The following HUWE1 variants were observed in gnomAD, a reference collection of about 807,000 sequenced individuals.
HUWE1 encodes HECT, UBA and WWE domain containing E3 ubiquitin protein ligase 1, also known as E3 ubiquitin-protein ligase HUWE1.
Under a neutral mutation model 299.4 loss-of-function variants are expected in HUWE1, and 18 were observed. The observed-to-expected ratio is 0.06, with a 90% CI of 0.04 to 0.09. The LOEUF (loss-of-function observed/expected upper bound fraction) is 0.09. Among genes scored for constraint, HUWE1 ranks in the 10% least tolerant of loss-of-function variants. HUWE1 has a pLI of 1.00. For missense variants in HUWE1, 1,832 were observed against 3,462.3 expected (o/e 0.53, Z 11.82); for synonymous variants, 1,317 against 1,286.1 (o/e 1.02, Z -0.51).
In HUWE1 at chrX:53,594,572, C is replaced by G; in HGVS notation, c.3430G>C (p.Asp1144His). The stretch of plus-strand genomic sequence containing the variant: ...AGGTGGTAGGGATACTTCCTCTCAT[C>G]AAACAGCATTGGGGATGTGAAACCA... ...SVGFTSPMLF[D>H]ERKYPYHLML... The change falls in exon 31 of 84, where the codon GAT (aspartate) becomes CAT (histidine). Residue 1144 changes from aspartate to histidine, a missense_variant. Around this residue, in one of 15 missense-constraint regions of HUWE1, gnomAD observed 658 missense variants for 1,282.6 expected, o/e 0.51. Coordinates refer to ENST00000262854, the MANE Select transcript of HUWE1 (RefSeq NM_031407.7). 8.3e-7 allele frequency: 1 copy of G among 1,209,378 alleles called. No homozygotes were observed. The highest frequency in any genetic ancestry group is 1.1e-6 in the Non-Finnish European group (1 of 893,528).
chrX:53,536,329 G>C (rs2146875091), intron 79 of HUWE1, 51 bp downstream of exon 79: 2 of 1,183,656 alleles, frequency 1.7e-6, no homozygotes, highest in East Asian at 3.0e-5. Context: ...GACACAAAAA[G>C]ACCAGACCCC....
intron 59 of HUWE1, among the ~76,000 whole-genome samples, chrX:53,557,682 C>A (rs1341349799): frequency 8.9e-6 from 1 of 111,807 alleles, no homozygotes; most frequent in Non-Finnish European, 1.9e-5. Context: ...ATAATAAAAA[C>A]CCCTTAGGGA....
chrX:53,533,959 C>G (rs1459676476), intron 83 of HUWE1, 48 bp downstream of exon 83: 3 of 1,129,689 alleles, frequency 2.7e-6, no homozygotes, highest in East Asian at 3.0e-5. Context: ...ATCAAGTATG[C>G]AAGCTCAACC....
intron 2 of HUWE1, chrX:53,684,035 C>G (rs375465098): frequency 3.4e-6 from 1 of 291,430 alleles, no homozygotes; most frequent in East Asian, 4.9e-5. Context: ...AGAACCTCTA[C>G]CGGACGGGAA....
At chrX:53,547,551 G>C (rs1459880935) in intron 68 of HUWE1, 122 bp downstream of exon 68, 18 of 1,051,139 alleles carry the variant, frequency 1.7e-5, no homozygotes, top group African/African-American at 1.9e-5. Context: ...AACACATTCT[G>C]TTCTCACAAA....
In HUWE1 at chrX:53,539,598, A is replaced by T. The variant is rs2061248642; in HGVS notation, c.11632+59T>A. On this transcript the variant is annotated intron_variant, in intron 75 of 83. Coordinates refer to ENST00000262854, the MANE Select transcript of HUWE1 (RefSeq NM_031407.7). ...CTGGAAGGAAGAAAAACAAGCTGGC[A>T]GGAAGGGCCCCAGAGCAGACCACTG... The T allele has an allele frequency of 2.6e-6, 3 of 1,138,780 alleles. No homozygotes were observed. The Admixed American group carries it at 6.5e-5, about 25-fold the overall frequency. 93.8% of individuals were successfully genotyped at this position (1,138,780 alleles called of 1,213,427 possible). A position where few individuals can be genotyped will look rare whatever the true frequency, so the allele number is the denominator to read the frequency against.
At chrX:53,623,154 T>A (rs782189022) in intron 19 of HUWE1, among the ~76,000 whole-genome samples, 1 of 111,229 alleles carries the variant, frequency 9.0e-6, no homozygotes, top group Admixed American at 9.5e-5. Context: ...CTCACCACTA[T>A]CCCAGCACCT....
intron 3 of HUWE1, among the ~76,000 whole-genome samples, chrX:53,659,981 CAAAT>C (rs1569512900): frequency 8.9e-6 from 1 of 112,348 alleles, no homozygotes; most frequent in African/African-American, 3.2e-5. Flanking sequence ...AATCTTCAAA[CAAAT>C]AAGCAACTTG....
chrX:53,644,158 C>G (rs1192122866), intron 7 of HUWE1, among the ~76,000 whole-genome samples: 1 of 112,363 alleles, frequency 8.9e-6, no homozygotes, highest in African/African-American at 3.2e-5. Context: ...TTCTTCGCTT[C>G]TTTCTTTTCT....
At chrX:53,534,824 T>G (rs2060932238) in intron 81 of HUWE1, 127 bp from the exon 82 acceptor site, 2 of 565,879 alleles carry the variant, frequency 3.5e-6, no homozygotes, top group Non-Finnish European at 5.7e-6. Context: ...CACAACTGGT[T>G]AATTCTGCCC....
intron 2 of HUWE1, among the ~76,000 whole-genome samples, chrX:53,685,963 A>T (rs1430981148): frequency 8.9e-6 from 1 of 112,458 alleles, no homozygotes; most frequent in Non-Finnish European, 1.9e-5. Context: ...AAACTGTAGT[A>T]CAATCATACA....
At chrX:53,627,221 CTTTCT>C (rs782267372) in intron 17 of HUWE1, among the ~76,000 whole-genome samples, 184 bp downstream of exon 17, 41 of 111,698 alleles carry the variant, frequency 3.7e-4, no homozygotes, top group African/African-American at 1.2e-3. Context: ...GAACTAGTAC[CTTTCT>C]TTTCTTATTA....
At chrX:53,578,428 A>C (rs1380740125) in intron 43 of HUWE1, among the ~76,000 whole-genome samples, 2 of 64,222 alleles carry the variant, frequency 3.1e-5, no homozygotes, top group Non-Finnish European at 2.9e-5. Context: ...GGCCGCCCCT[A>C]CTGGGAAGTG....
rs968340478 is a variant in HUWE1, at chrX:53,583,756, A to G, written c.5322T>C (p.Thr1774=). 3.3e-6 allele frequency: 4 copies of G among 1,208,725 alleles called. No individual in the cohort carries two copies. Among genetic ancestry groups the G allele is most frequent in the East Asian group, 3.0e-5 (1 of 33,743 alleles). The change falls in exon 42 of 84, where the codon ACT becomes ACC. Residue 1774 remains threonine (T), a synonymous_variant. Transcript: ENST00000262854. ...SMLGVPVDPD[T]LHATLRLCLR... ...GACAGAGACGAAGGGTGGCATGCAA[A>G]GTATCTGGGTCCACAGGGACTCCCA...
chrX:53,683,908 A>G (rs2070331624), intron 2 of HUWE1: 1 of 201,369 alleles, frequency 5.0e-6, no homozygotes, highest in African/African-American at 3.0e-5. Flanking sequence ...CGAGGACGTA[A>G]CCCTGCTCCC....
intron 21 of HUWE1, 38 bp from the exon 22 acceptor site, chrX:53,615,873 T>G: frequency 1.0e-6 from 1 of 997,358 alleles, no homozygotes; most frequent in Non-Finnish European, 1.4e-6. Flanking sequence ...TTAGAAAGAC[T>G]GAAGAAAATA....
intron 61 of HUWE1, 125 bp downstream of exon 61, chrX:53,554,508 A>C (rs2061912209): frequency 1.5e-5 from 10 of 687,290 alleles, no homozygotes; most frequent in Non-Finnish European, 2.2e-5. Context: ...GCGCAAGACG[A>C]GATCTTATTA....
intron 26 of HUWE1, among the ~76,000 whole-genome samples, chrX:53,604,324 GA>G (rs1556994486): frequency 8.9e-6 from 1 of 111,826 alleles, no homozygotes; most frequent in Non-Finnish European, 1.9e-5. Context: ...GGAAAGATTA[GA>G]AAGTACTAAG....
rs2066874602 is a variant in HUWE1 at position 53,631,499 on chromosome X, G to C, written c.694-17C>G. The C allele has an allele frequency of 8.5e-7, 1 of 1,172,069 alleles. No individual in the cohort carries two copies. Among genetic ancestry groups the C allele is most frequent in the Non-Finnish European group, 1.2e-6 (1 of 861,619 alleles). ...TTCTGAAATCTACATTAAAAAAAAA[G>C]ATATAGTTAGGAACAAAAAGTGAAC... On this transcript the variant is annotated splice_polypyrimidine_tract_variant and intron_variant, in intron 10 of 83. Coordinates refer to ENST00000262854, the MANE Select transcript of HUWE1 (RefSeq NM_031407.7).
Sources: allele counts gnomAD v4.1 joint callset (sites outside exome capture counted in the v4.1 genomes callset), GRCh38; gene constraint gnomAD v4.1.1; regional missense constraint gnomAD v4.1.1; transcripts MANE v1.5; gene names NCBI Gene and HGNC (gene_info 2026-07-23, HGNC 2026-07-21).